ADAMTSL1: variants seen among roughly 807,000 people sequenced by gnomAD.
ADAMTSL1 encodes the protein ADAMTS like 1, also known as ADAMTS-like protein 1.
In ADAMTSL1, 126 loss-of-function variants were observed where a neutral mutation model predicts 201.8. The observed-to-expected ratio is 0.62, with a 90% CI of 0.54 to 0.72. ADAMTSL1 has a LOEUF of 0.72. Ranked by LOEUF, ADAMTSL1 falls within the 30% of genes least tolerant of loss-of-function variation. ADAMTSL1 has a pLI of 0.00. For synonymous variants in ADAMTSL1, 1,121 were observed against 903.4 expected (o/e 1.24, Z -4.32); for missense variants, 2,679 against 2,277.8 (o/e 1.18, Z -3.59).
intron 1 of ADAMTSL1, among the ~76,000 whole-genome samples, chr9:17,976,813 G>A (rs577223035): frequency 6.7e-6 from 1 of 149,472 alleles, no homozygotes; most frequent in East Asian, 2.0e-4. Context: ...TTCTAATTTG[G>A]ATGCCTTTTA....
chr9:18,473,589 G>C (rs1298965878), upstream of ADAMTSL1, among the ~76,000 whole-genome samples: 1 of 152,154 alleles, frequency 6.6e-6, no homozygotes, highest in African/African-American at 2.4e-5. Context: ...CAAGTCAAGA[G>C]AGAAAGTAAA....
At chr9:18,461,926 C>T (rs1440420990) in intron 2 of ADAMTSL1, among the ~76,000 whole-genome samples, 4 of 152,084 alleles carry the variant, frequency 2.6e-5, no homozygotes, top group Non-Finnish European at 1.5e-5. Flanking sequence ...TACTAAACTC[C>T]GTGCATTCTC....
intron 20 of ADAMTSL1, among the ~76,000 whole-genome samples, chr9:18,809,478 A>G (rs976529608): frequency 6.6e-6 from 1 of 152,132 alleles, no homozygotes; most frequent in Non-Finnish European, 1.5e-5. Flanking sequence ...TTAATGTACA[A>G]GGGACGGTTG....
At chr9:18,872,748 A>C (rs1827939124) in intron 23 of ADAMTSL1, among the ~76,000 whole-genome samples, 1 of 152,128 alleles carries the variant, frequency 6.6e-6, no homozygotes, top group African/African-American at 2.4e-5. Flanking sequence ...ATTGATGGGC[A>C]TTTGGGCTGG....
chr9:18,040,031 T>A (rs1446152904), intron 1 of ADAMTSL1, among the ~76,000 whole-genome samples: 1 of 152,202 alleles, frequency 6.6e-6, no homozygotes, highest in Non-Finnish European at 1.5e-5. Flanking sequence ...TCCTGACTTA[T>A]GCCTATGTCT....
intron 2 of ADAMTSL1, among the ~76,000 whole-genome samples, chr9:18,435,221 T>G (rs1819673577): frequency 6.6e-6 from 1 of 152,216 alleles, no homozygotes; most frequent in African/African-American, 2.4e-5. Flanking sequence ...TATTAGATAC[T>G]TTAGGAAATA....
chr9:18,359,151 A>G (rs955007994), intron 2 of ADAMTSL1, among the ~76,000 whole-genome samples: 1 of 152,198 alleles, frequency 6.6e-6, no homozygotes, highest in Non-Finnish European at 1.5e-5. Flanking sequence ...ATGCATGCAC[A>G]TGCTGGGCTG....
intron 1 of ADAMTSL1, among the ~76,000 whole-genome samples, chr9:18,119,175 T>TA (rs1456113114): frequency 6.6e-6 from 1 of 152,238 alleles, no homozygotes; most frequent in Admixed American, 6.5e-5. Context: ...AAACATGATG[T>TA]AAGAAGTTGT....
chr9:18,345,973 G>C (rs978174600), intron 2 of ADAMTSL1, among the ~76,000 whole-genome samples: 11 of 152,070 alleles, frequency 7.2e-5, no homozygotes, highest in African/African-American at 2.7e-4. Flanking sequence ...TGTAGCAGTG[G>C]TCCTGGCCCT....
chr9:18,459,650 G>A (rs1808051016), intron 2 of ADAMTSL1, among the ~76,000 whole-genome samples: 2 of 152,150 alleles, frequency 1.3e-5, no homozygotes, highest in Admixed American at 1.3e-4. Context: ...CTTTGGGAAA[G>A]TATTGAACAT....
In ADAMTSL1 at chr9:18,316,058, G is replaced by A. The variant is rs187109340; in HGVS notation, c.207+152077G>A. ...GAGACATCACATGTCGGTAGGTTCC[G>A]TGATGCCCCACAAGCTGCAAAAACC... On this transcript the variant is annotated intron_variant, in intron 2 of 29. Coordinates refer to the ADAMTSL1 transcript ENST00000680146. 5.8e-3 allele frequency among the ~76,000 whole-genome samples: 889 copies of A among 152,288 alleles called. 9 individuals carry two copies. The highest frequency in any genetic ancestry group is 0.02 in the African/African-American group (838 of 41,578).
intron 1 of ADAMTSL1, among the ~76,000 whole-genome samples, chr9:18,003,265 C>CT (rs1819686668): frequency 6.6e-6 from 1 of 151,862 alleles, no homozygotes; most frequent in Non-Finnish European, 1.5e-5. Flanking sequence ...TACTGACAGT[C>CT]TACATGTCCA....
intron 23 of ADAMTSL1, among the ~76,000 whole-genome samples, chr9:18,879,391 A>T (rs190037652): frequency 2.7e-3 from 412 of 152,312 alleles, no homozygotes; most frequent in Non-Finnish European, 4.5e-3. Context: ...GGATTTTTTT[A>T]AAATTTTTCC....
chr9:18,042,050 C>T (rs2131637034), intron 1 of ADAMTSL1, among the ~76,000 whole-genome samples: 1 of 150,230 alleles, frequency 6.7e-6, no homozygotes, highest in South Asian at 2.1e-4. Flanking sequence ...GCATGAAGTG[C>T]CAAAATTTCT....
chr9:18,697,142 C>G (rs1057472752), intron 13 of ADAMTSL1, among the ~76,000 whole-genome samples: 2 of 151,826 alleles, frequency 1.3e-5, no homozygotes, highest in Non-Finnish European at 2.9e-5. Context: ...TCAGCCCCCC[C>G]AAGTGCTGGG....
intron 2 of ADAMTSL1, among the ~76,000 whole-genome samples, chr9:18,457,120 A>T (rs2131694074): frequency 6.6e-6 from 1 of 152,262 alleles, no homozygotes; most frequent in South Asian, 2.1e-4. Flanking sequence ...ACAGTGAAAA[A>T]CTACTTTTCT....
chr9:18,087,656 A>G (rs918733773), intron 1 of ADAMTSL1, among the ~76,000 whole-genome samples: 1 of 152,172 alleles, frequency 6.6e-6, no homozygotes, highest in African/African-American at 2.4e-5. Context: ...ATCGTAATTT[A>G]ACAGTGGTTA....
At chr9:18,183,252 A>G (rs1452279765) in intron 2 of ADAMTSL1, among the ~76,000 whole-genome samples, 2 of 152,202 alleles carry the variant, frequency 1.3e-5, no homozygotes, top group Non-Finnish European at 2.9e-5. Flanking sequence ...ATGGACCTAA[A>G]CAGAAACACA....
At chr9:17,979,006 T>C (rs1818574172) in intron 1 of ADAMTSL1, among the ~76,000 whole-genome samples, 1 of 151,980 alleles carries the variant, frequency 6.6e-6, no homozygotes, top group South Asian at 2.1e-4. Context: ...CTGCACTGTC[T>C]CCTGGCCTGC....
Sources: allele counts gnomAD v4.1 joint callset (sites outside exome capture counted in the v4.1 genomes callset), GRCh38; gene constraint gnomAD v4.1.1; transcripts MANE v1.5; gene names NCBI Gene and HGNC (gene_info 2026-07-23, HGNC 2026-07-21).